MATN2: variants seen among roughly 807,000 people sequenced by gnomAD.
MATN2 encodes the protein matrilin-2.
Under a neutral mutation model 103.2 loss-of-function variants are expected in MATN2, and 69 were observed. The observed-to-expected ratio is 0.67, with a 90% CI of 0.55 to 0.82. The LOEUF (loss-of-function observed/expected upper bound fraction) is 0.82, where lower values mean the gene tolerates loss of function less well. MATN2 is among the 40% of genes least tolerant of loss of function. The pLI, the probability that MATN2 is intolerant of heterozygous loss-of-function variation, is 0.00. For synonymous variants in MATN2, 429 were observed against 450.2 expected (o/e 0.95, Z 0.60); for missense variants, 1,023 against 1,211.5 (o/e 0.84, Z 2.31).
chr8:97,979,142 C>A, intron 6 of MATN2, 134 bp downstream of exon 6: 1 of 1,003,172 alleles, frequency 1.0e-6, no homozygotes, highest in Non-Finnish European at 1.4e-6. Context: ...TTGCCCCATT[C>A]CTCCTCTGTC....
At chr8:98,016,078 G>A (rs1813347560) in intron 10 of MATN2, among the ~76,000 whole-genome samples, 2 of 152,144 alleles carry the variant, frequency 1.3e-5, no homozygotes, top group African/African-American at 2.4e-5. Flanking sequence ...TTCTTGTGGA[G>A]ATGATTTATA....
chr8:98,034,207 A>G (rs1430641642), intron 18 of MATN2: 3 of 455,944 alleles, frequency 6.6e-6, no homozygotes, highest in Admixed American at 2.3e-5. Context: ...CTAAAAAATG[A>G]AACACTCCAC....
intron 2 of MATN2, among the ~76,000 whole-genome samples, chr8:97,918,270 T>A (rs932076405): frequency 6.6e-6 from 1 of 152,182 alleles, no homozygotes; most frequent in South Asian, 2.1e-4. Flanking sequence ...CTTGTCTCAA[T>A]GACCCCTGCA....
At chr8:97,979,114 A>G in intron 6 of MATN2, 106 bp downstream of exon 6, 2 of 1,326,902 alleles carry the variant, frequency 1.5e-6, no homozygotes, top group South Asian at 1.4e-5. Context: ...TAATTATGTC[A>G]TGGGGGTCTA....
At chr8:97,881,917 T>TTTA (rs1818266564) in intron 1 of MATN2, among the ~76,000 whole-genome samples, 1 of 137,902 alleles carries the variant, frequency 7.3e-6, no homozygotes, top group African/African-American at 2.7e-5. Context: ...ACTTATCTTT[T>TTTA]TTTTTTTTTT....
intron 1 of MATN2, 76 bp from the exon 2 acceptor site, chr8:97,887,999 C>CG: frequency 7.2e-7 from 1 of 1,387,196 alleles, no homozygotes; most frequent in Non-Finnish European, 9.7e-7. Flanking sequence ...GGCGGGGCAG[C>CG]GGGCCTGCAG....
At chr8:97,945,713 A>ATAT (rs1296035831) in intron 4 of MATN2, among the ~76,000 whole-genome samples, 3 of 69,490 alleles carry the variant, frequency 4.3e-5, no homozygotes, top group Admixed American at 1.8e-4. Flanking sequence ...TAGAAAAAAA[A>ATAT]AAAAATATAT....
chr8:97,940,831 A>G (rs907588013), intron 3 of MATN2, among the ~76,000 whole-genome samples: 1 of 152,162 alleles, frequency 6.6e-6, no homozygotes, highest in Non-Finnish European at 1.5e-5. Flanking sequence ...CTTATGCAGG[A>G]ACCAATGTAC....
chr8:97,967,536 A>G (rs1199270096), intron 5 of MATN2, among the ~76,000 whole-genome samples: 2 of 152,244 alleles, frequency 1.3e-5, no homozygotes, highest in East Asian at 3.8e-4. Flanking sequence ...ATTGGCCAAA[A>G]CAAAGGGCAA....
rs555150118 is a variant in MATN2 at position 98,030,603 on chromosome 8, G to T, written c.2498G>T (p.Gly833Val). 1 of 1,613,814 alleles carries T rather than the reference G, an allele frequency of 6.2e-7. No individual in the cohort carries two copies. The highest frequency in any genetic ancestry group is 2.2e-5 in the East Asian group (1 of 44,884). ...GAGATAAGTGAAAAACTCAAGAAAG[G>T]CATCTGTGAAGGTACTATAGCTTAC... ...MDEISEKLKK[G>V]ICEALEDSDG... Residue 833 changes from glycine (G) to valine (V), a missense_variant, in exon 15 of 19, where the codon GGC becomes GTC. Physicochemically the swap from Gly to Val is moderately radical, Grantham distance 109 (BLOSUM62 -3). Transcript: ENST00000254898.
chr8:98,004,606 A>G (rs1197981276), intron 8 of MATN2, among the ~76,000 whole-genome samples: 2 of 152,218 alleles, frequency 1.3e-5, no homozygotes, highest in Admixed American at 1.3e-4. Flanking sequence ...GTAAACTTCC[A>G]ATCAAGGGGA....
At position 97,931,617 on chromosome 8, in the gene MATN2, C is replaced by A; in HGVS notation, c.712+95C>A. On this transcript the variant is annotated intron_variant, in intron 3 of 18. Coordinates refer to ENST00000254898, the MANE Select transcript of MATN2 (RefSeq NM_002380.5). This position sits in a 1 kb window ranked among gnomAD's most constrained non-coding sequence, Gnocchi z 4.1. ...ATTCTGTGTTACTATGTCCCAGGTACTGTGCTGGCAATAGGTTTTCAACAA... is the reference window on the plus strand; with the variant it reads ...ATTCTGTGTTACTATGTCCCAGGTAATGTGCTGGCAATAGGTTTTCAACAA... 1 of 1,229,064 alleles carries A rather than the reference C, an allele frequency of 8.1e-7. No individual in the cohort carries two copies. Among genetic ancestry groups the A allele is most frequent in the East Asian group, 2.4e-5 (1 of 41,284 alleles). The allele number at this position is 1,229,064 out of a possible 1,614,324, so 76.1% of individuals were successfully genotyped here. A position where few individuals can be genotyped will look rare whatever the true frequency, so the allele number is the denominator to read the frequency against.
chr8:97,890,566 T>G (rs1017571764), intron 2 of MATN2, among the ~76,000 whole-genome samples: 3 of 152,202 alleles, frequency 2.0e-5, no homozygotes, highest in Admixed American at 6.5e-5. Context: ...GCTTTTTTTT[T>G]TCTCATTTTG....
Position 98,033,631 on chromosome 8 carries a change from CGAA to C in MATN2, c.2792_2794del (p.Glu931del), listed in dbSNP as rs1814124069. On this transcript the variant is annotated inframe_deletion, in exon 18 of 19. Transcript: ENST00000254898. ...TTATAATGTTCCAGAACCTTGCAAA[CGAA>C]GAAGTAAGAAAATTAACACAGCGCT... 1 of 1,606,274 alleles carries C rather than the reference CGAA, an allele frequency of 6.2e-7. No individual in the cohort carries two copies. The highest frequency in any genetic ancestry group is 8.5e-7 in the Non-Finnish European group (1 of 1,176,076).
At chr8:97,949,700 A>G (rs754737339) in intron 4 of MATN2, among the ~76,000 whole-genome samples, 3 of 152,216 alleles carry the variant, frequency 2.0e-5, no homozygotes, top group Non-Finnish European at 4.4e-5. Flanking sequence ...AGATTTGAAC[A>G]CAAATGTTCA....
chr8:97,911,994 C>T (rs1181085957), intron 2 of MATN2, among the ~76,000 whole-genome samples: 3 of 152,152 alleles, frequency 2.0e-5, no homozygotes, highest in Non-Finnish European at 1.5e-5. Flanking sequence ...CCCCATCTTG[C>T]GGAAGAGGAA....
In MATN2 at chr8:97,922,883, A is replaced by T. The variant is rs1226307244; in HGVS notation, c.143-8070A>T. On this transcript the variant is annotated intron_variant, in intron 2 of 18. Transcript: ENST00000254898. ...CTTTTTGGTCTGCCTGCTTCATTGT[A>T]TCCCGTTATTGTGTCCTTTTCACAG... is the stretch of plus-strand genomic sequence containing the variant. Among the ~76,000 whole-genome samples the T allele has an allele frequency of 1.4e-4, 22 of 152,266 alleles. No homozygotes were observed. In the East Asian group the frequency reaches 4.2e-3, roughly 29 times the overall value.
chr8:97,962,908 G>T lies in MATN2; in HGVS notation c.958+1378G>T, dbSNP rs530895818. 2.6e-5 allele frequency among the ~76,000 whole-genome samples: 4 copies of T among 152,328 alleles called. No individual in the cohort carries two copies. The South Asian group carries it at 8.3e-4, about 32-fold the overall frequency. On this transcript the variant is annotated intron_variant, in intron 5 of 18. Transcript: ENST00000254898. ...CCAGCACTATGGGAGGCTGAGGCGG[G>T]CAGATCACTTGAGGTCAGGAGTTTG...
intron 7 of MATN2, among the ~76,000 whole-genome samples, chr8:97,995,125 TG>T (rs982298607): frequency 4.6e-5 from 7 of 152,334 alleles, no homozygotes; most frequent in Non-Finnish European, 8.8e-5. Context: ...GTGCCTCAAA[TG>T]CCTGTCATCT....
Sources: allele counts gnomAD v4.1 joint callset (sites outside exome capture counted in the v4.1 genomes callset), GRCh38; gene constraint gnomAD v4.1.1; non-coding constraint Gnocchi (gnomAD v3.1); transcripts MANE v1.5; gene names NCBI Gene and HGNC (gene_info 2026-07-23, HGNC 2026-07-21).